The following NELL1 variants were observed in gnomAD, a reference collection of about 807,000 sequenced individuals.
The protein encoded by NELL1 is neural EGFL like 1.
A neutral mutation model predicts 107.4 loss-of-function variants in NELL1; 76 were observed. That is an observed-to-expected ratio of 0.71 (90% CI 0.59 to 0.86). NELL1 has a LOEUF of 0.86. NELL1 is among the 40% of genes least tolerant of loss of function. The pLI is 0.00. For synonymous variants in NELL1, 353 were observed against 341.2 expected (o/e 1.03, Z -0.38); for missense variants, 1,024 against 1,005.5 (o/e 1.02, Z -0.25).
At chr11:21,066,272 ACAGT>A (rs1401371277) in intron 12 of NELL1, among the ~76,000 whole-genome samples, 1 of 152,148 alleles carries the variant, frequency 6.6e-6, no homozygotes, top group Non-Finnish European at 1.5e-5. Flanking sequence ...GAAAATCTTA[ACAGT>A]CAGCACTGAA....
chr11:21,519,803 A>G (rs185641180), intron 15 of NELL1, among the ~76,000 whole-genome samples: 2 of 152,238 alleles, frequency 1.3e-5, no homozygotes, highest in Admixed American at 1.3e-4. Context: ...CCAGAGTCCT[A>G]AAATTGTTAT....
intron 4 of NELL1, among the ~76,000 whole-genome samples, chr11:20,875,817 C>T (rs181058658): frequency 1.2e-4 from 18 of 152,158 alleles, no homozygotes; most frequent in African/African-American, 4.1e-4. Context: ...AGAAAAAGCA[C>T]CCTTATTATC....
intron 13 of NELL1, among the ~76,000 whole-genome samples, chr11:21,171,861 C>G (rs1856614141): frequency 6.6e-6 from 1 of 151,790 alleles, no homozygotes; most frequent in South Asian, 2.1e-4. Flanking sequence ...ATCAGTTGCC[C>G]TTAATTCTTT....
At chr11:20,958,345 C>T (rs1914245) in intron 11 of NELL1, among the ~76,000 whole-genome samples, 26,029 of 151,864 alleles carry the variant, frequency 0.17, 2,663 homozygotes, top group East Asian at 0.33. Flanking sequence ...CCCATGAGGC[C>T]GAGGCTGCAA....
intron 12 of NELL1, among the ~76,000 whole-genome samples, chr11:21,040,831 T>TAATAAAGCTA (rs1853211098): frequency 6.6e-6 from 1 of 152,174 alleles, no homozygotes; most frequent in African/African-American, 2.4e-5. Context: ...ACACATCCTG[T>TAATAAAGCTA]TTGTAGCATG....
chr11:21,570,718 A>T (rs367585314), intron 17 of NELL1, 46 bp from the exon 18 acceptor site: 5 of 1,578,978 alleles, frequency 3.2e-6, no homozygotes, highest in Middle Eastern at 1.7e-4. Flanking sequence ...GTAGCTGTCC[A>T]TCATGTCCTA....
At chr11:20,814,265 A>G (rs1024896120) in intron 3 of NELL1, among the ~76,000 whole-genome samples, 48 of 152,312 alleles carry the variant, frequency 3.2e-4, no homozygotes, top group Admixed American at 2.1e-3. Context: ...AAGTGCTGGG[A>G]TTACAGGCGT....
At chr11:21,455,849 T>C (rs1045919603) in intron 15 of NELL1, among the ~76,000 whole-genome samples, 2 of 150,312 alleles carry the variant, frequency 1.3e-5, no homozygotes, top group African/African-American at 4.9e-5. Flanking sequence ...CTTTTTCTTT[T>C]CTTTTCTTAC....
intron 3 of NELL1, 117 bp from the exon 4 acceptor site, chr11:20,847,466 T>A: frequency 9.5e-7 from 1 of 1,056,962 alleles, no homozygotes; most frequent in Non-Finnish European, 1.3e-6. Flanking sequence ...TGGCTCTTTG[T>A]GCCATGTTTA....
At chr11:20,814,389 C>G (rs1206542005) in intron 3 of NELL1, among the ~76,000 whole-genome samples, 2 of 152,196 alleles carry the variant, frequency 1.3e-5, no homozygotes, top group Non-Finnish European at 2.9e-5. Flanking sequence ...TACAACTGAT[C>G]CTGTCACCCA....
At chr11:21,317,888 T>C (rs1220433449) in intron 14 of NELL1, among the ~76,000 whole-genome samples, 3 of 152,148 alleles carry the variant, frequency 2.0e-5, no homozygotes, top group African/African-American at 7.2e-5. Context: ...AATTCTAATA[T>C]TATTATTATG....
rs529151600 is a variant in NELL1, at chr11:20,682,641, A to C, written c.184+4581A>C. ...TCAAAATATACAACTTGGTAATTTT[A>C]ATATACAAATATACCTGTGCAGCCA... On this transcript the variant is annotated intron_variant, in intron 2 of 19. Coordinates refer to ENST00000357134, the MANE Select transcript of NELL1 (RefSeq NM_006157.5). 2.8e-4 allele frequency among the ~76,000 whole-genome samples: 42 copies of C among 152,200 alleles called. 1 individual carries two copies. The highest frequency in any genetic ancestry group is 9.1e-4 in the African/African-American group (38 of 41,570).
intron 12 of NELL1, among the ~76,000 whole-genome samples, chr11:21,097,829 A>G (rs1343682519): frequency 1.3e-5 from 2 of 152,208 alleles, no homozygotes; most frequent in East Asian, 3.8e-4. Context: ...AAAAACTTAA[A>G]TAATTGTATA....
chr11:20,945,321 G>T (rs1850939942), intron 10 of NELL1, among the ~76,000 whole-genome samples: 1 of 152,212 alleles, frequency 6.6e-6, no homozygotes, highest in South Asian at 2.1e-4. Context: ...CCTAGAGATT[G>T]TCTCTCTTCG....
chr11:20,970,556 G>A (rs774859377), intron 12 of NELL1, among the ~76,000 whole-genome samples: 1 of 152,202 alleles, frequency 6.6e-6, no homozygotes, highest in African/African-American at 2.4e-5. Context: ...GCCAATAGGA[G>A]TCAGCACAGG....
intron 13 of NELL1, among the ~76,000 whole-genome samples, chr11:21,200,011 T>C (rs1272078309): frequency 1.3e-5 from 2 of 152,216 alleles, no homozygotes; most frequent in Non-Finnish European, 2.9e-5. Flanking sequence ...TTCCATGGTG[T>C]ATATGTGTCA....
rs1849460473 is a variant in NELL1 at position 21,300,009 on chromosome 11, AG to A, written c.1549+70556del. Among the ~76,000 whole-genome samples, 3 of 152,158 alleles carry A rather than the reference AG, an allele frequency of 2.0e-5. No homozygotes were observed. The South Asian group carries it at 6.2e-4, about 32-fold the overall frequency. ...CCCCGACCTCTTGTGACTTTCGTAG[AG>A]AAATTAGACAATGATCACGTAAACA... is the stretch of plus-strand genomic sequence containing the variant. On this transcript the variant is annotated intron_variant, in intron 14 of 19. Coordinates refer to ENST00000357134, the MANE Select transcript of NELL1 (RefSeq NM_006157.5).
At chr11:21,370,986 T>C (rs753350716) in intron 15 of NELL1, 38 bp downstream of exon 15, 50 of 1,438,378 alleles carry the variant, frequency 3.5e-5, no homozygotes, top group East Asian at 1.2e-4. Flanking sequence ...GGGACAAAGA[T>C]TGGTAGAAAG....
intron 12 of NELL1, among the ~76,000 whole-genome samples, chr11:21,053,936 G>A (rs1211827971): frequency 1.3e-5 from 2 of 152,054 alleles, no homozygotes; most frequent in South Asian, 4.1e-4. Context: ...AATAACAACA[G>A]CAATAAAGAA....
Sources: allele counts gnomAD v4.1 joint callset (sites outside exome capture counted in the v4.1 genomes callset), GRCh38; gene constraint gnomAD v4.1.1; transcripts MANE v1.5; gene names NCBI Gene and HGNC (gene_info 2026-07-23, HGNC 2026-07-21).